SHROOM4: variants seen among roughly 807,000 people sequenced by gnomAD.
SHROOM4 encodes the protein shroom family member 4.
In SHROOM4, 17 loss-of-function variants were observed where a neutral mutation model predicts 80.3. The observed-to-expected ratio is 0.21, with a 90% CI of 0.14 to 0.32. The LOEUF (loss-of-function observed/expected upper bound fraction) is 0.32, where lower values mean the gene tolerates loss of function less well. Among genes scored for constraint, SHROOM4 ranks in the 10% least tolerant of loss-of-function variants. The pLI, the probability that SHROOM4 is intolerant of heterozygous loss-of-function variation, is 1.00. For synonymous variants in SHROOM4, 400 were observed against 437.5 expected, an observed-to-expected ratio of 0.91 and a Z score of 1.07; for missense variants, 993 against 1,140.3, an observed-to-expected ratio of 0.87 and a Z score of 1.86.
Position 50,634,109 on chromosome X carries a change from T to C in SHROOM4, c.1964A>G (p.Asn655Ser). 1 of 1,211,729 alleles carries C rather than the reference T, an allele frequency of 8.3e-7. No individual in the cohort carries two copies. Residue 655 changes from asparagine (N) to serine (S), a missense_variant, in exon 4 of 9, where the codon AAC becomes AGC. By Grantham distance (46) the Asn-to-Ser change is conservative (BLOSUM62 1). Coordinates refer to ENST00000376020, the MANE Select transcript of SHROOM4 (RefSeq NM_020717.5). ...CCTAGCTCTGAGCATCATGCTTTTG[T>C]TGAAGAGCTTGTCTCTGGGGCTGGG... ...KPPSPRDKLF[N>S]KSMMLRARSS...
At chrX:50,666,226 G>T (rs1417978245) in intron 2 of SHROOM4, among the ~76,000 whole-genome samples, 1 of 111,372 alleles carries the variant, frequency 9.0e-6, no homozygotes, top group Non-Finnish European at 1.9e-5. Context: ...GAGGTCTCAG[G>T]CCAAGCAAGC....
chrX:50,606,092 T>TC (rs59394571), intron 6 of SHROOM4, among the ~76,000 whole-genome samples: 20 of 109,671 alleles, frequency 1.8e-4, no homozygotes, highest in African/African-American at 4.7e-4. Flanking sequence ...TTTTTTTTTT[T>TC]AATTATACTT....
At chrX:50,795,019 TTATA>T (rs782518622) in intron 1 of SHROOM4, among the ~76,000 whole-genome samples, 1 of 43,953 alleles carries the variant, frequency 2.3e-5, no homozygotes, top group Non-Finnish European at 4.4e-5. Flanking sequence ...ATATATATCT[TTATA>T]TATATCATAT....
intron 4 of SHROOM4, among the ~76,000 whole-genome samples, chrX:50,629,392 G>A (rs1442802162): frequency 9.0e-6 from 1 of 111,685 alleles, no homozygotes; most frequent in Non-Finnish European, 1.9e-5. Context: ...GATTCAAATC[G>A]CACACCTGCC....
intron 2 of SHROOM4, among the ~76,000 whole-genome samples, chrX:50,669,601 T>G (rs1275623463): frequency 2.7e-5 from 3 of 111,925 alleles, no homozygotes; most frequent in African/African-American, 9.7e-5. Context: ...GTGCCTGGCC[T>G]GACTTCTTTC....
At chrX:50,753,939 C>T (rs1349760570) in intron 1 of SHROOM4, among the ~76,000 whole-genome samples, 5 of 111,661 alleles carry the variant, frequency 4.5e-5, no homozygotes, top group Non-Finnish European at 9.4e-5. Flanking sequence ...CTCTCCAGGC[C>T]AAATGGGGCT....
At chrX:50,631,141 T>A (rs1931043910) in intron 4 of SHROOM4, among the ~76,000 whole-genome samples, 1 of 110,875 alleles carries the variant, frequency 9.0e-6, no homozygotes, top group Non-Finnish European at 1.9e-5. Context: ...AAGGGCAAAA[T>A]CCTTAACAAA....
At chrX:50,578,305 T>A in the SHROOM4 span, among the ~76,000 whole-genome samples, 1 of 112,189 alleles carries the variant, frequency 8.9e-6, no homozygotes, top group African/African-American at 3.2e-5. Context: ...AATTAATTTA[T>A]TTATTTTTAT....
intron 2 of SHROOM4, among the ~76,000 whole-genome samples, chrX:50,681,161 A>G (rs1395360631): frequency 9.0e-6 from 1 of 111,051 alleles, no homozygotes; most frequent in Non-Finnish European, 1.9e-5. Context: ...TAGCCTCCTA[A>G]CAAGTTTTCC....
chrX:50,810,185 G>A (rs782764592), intron 1 of SHROOM4, among the ~76,000 whole-genome samples: 3 of 110,351 alleles, frequency 2.7e-5, no homozygotes, highest in African/African-American at 6.6e-5. Context: ...CTTGACTGTC[G>A]GGGGGTACTA....
chrX:50,710,293 A>C (rs1933779239), intron 1 of SHROOM4, among the ~76,000 whole-genome samples: 1 of 111,800 alleles, frequency 8.9e-6, no homozygotes, highest in Non-Finnish European at 1.9e-5. Flanking sequence ...GGTCAGATAA[A>C]GAAAAGGTGA....
chrX:50,739,161 A>G (rs1461405139), intron 1 of SHROOM4, among the ~76,000 whole-genome samples: 2 of 111,309 alleles, frequency 1.8e-5, no homozygotes, highest in African/African-American at 3.3e-5. Context: ...CCTTCCTTAC[A>G]CCTTATACAA....
At chrX:50,745,474 T>C (rs782287249) in intron 1 of SHROOM4, among the ~76,000 whole-genome samples, 3 of 110,475 alleles carry the variant, frequency 2.7e-5, no homozygotes. Context: ...GGCCCTCGAC[T>C]TGGGAGTGGG....
chrX:50,618,441 G>A (rs1930418757), intron 5 of SHROOM4, among the ~76,000 whole-genome samples: 1 of 99,927 alleles, frequency 1.0e-5, no homozygotes, highest in Non-Finnish European at 2.0e-5. Context: ...TTGAGACAGT[G>A]TCTTGCCCAG....
At chrX:50,651,929 T>G (rs1432186054) in intron 2 of SHROOM4, among the ~76,000 whole-genome samples, 5 of 111,908 alleles carry the variant, frequency 4.5e-5, no homozygotes, top group Non-Finnish European at 9.4e-5. Context: ...TTTTTATGGC[T>G]GCATAGTATT....
chrX:50,754,611 T>C (rs1557268261), intron 1 of SHROOM4, among the ~76,000 whole-genome samples: 1 of 111,395 alleles, frequency 9.0e-6, no homozygotes, highest in Non-Finnish European at 1.9e-5. Context: ...CAAGAATTAC[T>C]AGCCAATCAA....
intron 1 of SHROOM4, among the ~76,000 whole-genome samples, chrX:50,744,959 GCTT>G (rs1934744167): frequency 8.9e-6 from 1 of 111,973 alleles, no homozygotes. Flanking sequence ...ATCCAGTAAA[GCTT>G]CTATCTTTTG....
chrX:50,622,850 C>T (rs1288715833), intron 5 of SHROOM4, among the ~76,000 whole-genome samples: 1 of 112,157 alleles, frequency 8.9e-6, no homozygotes, highest in Non-Finnish European at 1.9e-5. Context: ...TTCTATTGAG[C>T]TTTCCTTTCT....
At chrX:50,718,232 A>G (rs1397064828) in intron 1 of SHROOM4, among the ~76,000 whole-genome samples, 1 of 112,249 alleles carries the variant, frequency 8.9e-6, no homozygotes, top group Non-Finnish European at 1.9e-5. Flanking sequence ...GATAATTTCA[A>G]TTTGCTGATA....
Sources: gnomAD v4.1 joint callset for allele counts (sites outside exome capture counted in the v4.1 genomes callset) on GRCh38, gnomAD v4.1.1 for gene constraint, MANE v1.5 for transcripts, NCBI Gene and HGNC (gene_info 2026-07-23, HGNC 2026-07-21) for gene names.